The following GLRA3 variants were observed in gnomAD, a reference collection of about 807,000 sequenced individuals.
GLRA3 encodes the protein glycine receptor subunit alpha-3.
A neutral mutation model predicts 60.4 loss-of-function variants in GLRA3; 44 were observed. The observed-to-expected ratio is 0.73, with a 90% confidence interval of 0.57 to 0.94. The LOEUF (loss-of-function observed/expected upper bound fraction) is 0.94, where lower values mean the gene tolerates loss of function less well. Ranked by LOEUF, GLRA3 falls within the 40% of genes least tolerant of loss-of-function variation. GLRA3 has a pLI of 0.00. For synonymous variants in GLRA3, 223 were observed against 192.9 expected (o/e 1.16, Z -1.29); for missense variants, 508 against 564.6 (o/e 0.90, Z 1.02).
chr4:174,822,486 A>T (rs1740778218), intron 1 of GLRA3, among the ~76,000 whole-genome samples: 1 of 152,206 alleles, frequency 6.6e-6, no homozygotes, highest in African/African-American at 2.4e-5. Context: ...ATTTTTTACT[A>T]ATTAAAAACA....
chr4:174,822,245 C>A (rs1039660186), intron 1 of GLRA3, among the ~76,000 whole-genome samples: 1 of 152,130 alleles, frequency 6.6e-6, no homozygotes, highest in African/African-American at 2.4e-5. Flanking sequence ...TAGAGATATT[C>A]AGGTAGAATG....
chr4:174,779,648 G>A (rs1027473015), intron 2 of GLRA3, among the ~76,000 whole-genome samples: 20 of 152,092 alleles, frequency 1.3e-4, no homozygotes, highest in African/African-American at 3.9e-4. Flanking sequence ...ACCAAGGCTC[G>A]AGAACTACAT....
At chr4:174,684,710 T>A (rs1425138780) in intron 5 of GLRA3, among the ~76,000 whole-genome samples, 2 of 152,088 alleles carry the variant, frequency 1.3e-5, no homozygotes, top group Non-Finnish European at 2.9e-5. Flanking sequence ...AGTCAAATGG[T>A]CGGTATGTTA....
intron 4 of GLRA3, among the ~76,000 whole-genome samples, chr4:174,721,240 G>C (rs1736119008): frequency 6.6e-6 from 1 of 152,054 alleles, no homozygotes; most frequent in Non-Finnish European, 1.5e-5. Context: ...TGTTGGCTAG[G>C]ATGGTCTCCA....
At chr4:174,740,728 C>T (rs886634078) in intron 3 of GLRA3, among the ~76,000 whole-genome samples, 1 of 152,194 alleles carries the variant, frequency 6.6e-6, no homozygotes, top group Non-Finnish European at 1.5e-5. Flanking sequence ...AGAGCTCTCA[C>T]CCACAGATAT....
chr4:174,719,654 G>A (rs997818847), intron 4 of GLRA3, among the ~76,000 whole-genome samples: 18 of 152,162 alleles, frequency 1.2e-4, no homozygotes, highest in South Asian at 2.1e-4. Flanking sequence ...CTAGAAGGGA[G>A]ATTAGAATGA....
intron 1 of GLRA3, among the ~76,000 whole-genome samples, chr4:174,789,548 T>C (rs1422732632): frequency 6.6e-6 from 1 of 152,176 alleles, no homozygotes; most frequent in Non-Finnish European, 1.5e-5. Context: ...GATTGAGAAA[T>C]TGCCATAAAT....
chr4:174,644,505 C>A (rs570365926), intron 9 of GLRA3, among the ~76,000 whole-genome samples: 1 of 144,284 alleles, frequency 6.9e-6, no homozygotes, highest in South Asian at 2.2e-4. Flanking sequence ...TGGAGACAAA[C>A]CTTTTAAAGT....
intron 3 of GLRA3, among the ~76,000 whole-genome samples, chr4:174,759,387 T>C (rs1737852652): frequency 6.6e-6 from 1 of 152,088 alleles, no homozygotes; most frequent in Non-Finnish European, 1.5e-5. Flanking sequence ...TAATTAAATC[T>C]AAAAGATATG....
chr4:174,664,676 A>G (rs1561040824), intron 7 of GLRA3, among the ~76,000 whole-genome samples: 4 of 152,192 alleles, frequency 2.6e-5, no homozygotes, highest in African/African-American at 9.7e-5. Context: ...ACAGTTAGTG[A>G]ATCTTAAATG....
intron 3 of GLRA3, among the ~76,000 whole-genome samples, chr4:174,750,119 G>A (rs1205071412): frequency 6.6e-6 from 1 of 152,096 alleles, no homozygotes. Flanking sequence ...CCAAGGAAGA[G>A]AAGTTTTGTA....
intron 5 of GLRA3, among the ~76,000 whole-genome samples, chr4:174,686,721 C>T (rs542788574): frequency 6.6e-6 from 1 of 152,186 alleles, no homozygotes; most frequent in Non-Finnish European, 1.5e-5. Context: ...AAGGCAGGGG[C>T]TTCATATAAA....
chr4:174,820,538 A>G (rs1157305941), intron 1 of GLRA3, among the ~76,000 whole-genome samples: 3 of 152,158 alleles, frequency 2.0e-5, no homozygotes, highest in Non-Finnish European at 4.4e-5. Flanking sequence ...GCGCTGGGAT[A>G]TGTGGCACTG....
chr4:174,729,025 C>CA (rs1736447706), intron 3 of GLRA3, among the ~76,000 whole-genome samples: 1 of 152,176 alleles, frequency 6.6e-6, no homozygotes, highest in Non-Finnish European at 1.5e-5. Flanking sequence ...CGGGTACTCC[C>CA]ATCCCCCAGG....
At chr4:174,646,938 T>C (rs936153073) in intron 9 of GLRA3, among the ~76,000 whole-genome samples, 1 of 152,188 alleles carries the variant, frequency 6.6e-6, no homozygotes, top group Non-Finnish European at 1.5e-5. Context: ...AATCTGATGC[T>C]GATCCAATCC....
At position 174,715,582 on chromosome 4, in the gene GLRA3, A is replaced by C. The variant is rs766365423; in HGVS notation, c.492-12T>G. The stretch of plus-strand genomic sequence containing the variant: ...GTGTTAATGTTAATCTGAAAGTCAA[A>C]GTAATTATTTTTAAAGGAAATTTAT... On this transcript the variant is annotated splice_polypyrimidine_tract_variant and intron_variant, in intron 4 of 9. Transcript: ENST00000274093. 7.8e-7 allele frequency: 1 copy of C among 1,279,530 alleles called. No individual in the cohort carries two copies. The highest frequency in any genetic ancestry group is 1.8e-5 in the Admixed American group (1 of 54,520). 79.3% of individuals were successfully genotyped at this position (1,279,530 alleles called of 1,614,324 possible). A position where few individuals can be genotyped will look rare whatever the true frequency, so the allele number is the denominator to read the frequency against.
intron 2 of GLRA3, among the ~76,000 whole-genome samples, chr4:174,785,698 T>G (rs1240161831): frequency 6.6e-6 from 1 of 152,124 alleles, no homozygotes; most frequent in Non-Finnish European, 1.5e-5. Flanking sequence ...TATGTTTCTG[T>G]GTGTTTAGGA....
intron 4 of GLRA3, among the ~76,000 whole-genome samples, chr4:174,718,904 C>A (rs2111104904): frequency 6.8e-6 from 1 of 147,084 alleles, no homozygotes; most frequent in African/African-American, 2.5e-5. Context: ...CATTACACAG[C>A]AAAAATTGCT....
chr4:174,781,047 T>C (rs531212165), intron 2 of GLRA3, among the ~76,000 whole-genome samples: 1 of 152,272 alleles, frequency 6.6e-6, no homozygotes, highest in African/African-American at 2.4e-5. Context: ...ATTCCAAAAT[T>C]GACCACATAC....
Sources: allele counts gnomAD v4.1 joint callset (sites outside exome capture counted in the v4.1 genomes callset), GRCh38; gene constraint gnomAD v4.1.1; transcripts MANE v1.5; gene names NCBI Gene and HGNC (gene_info 2026-07-23, HGNC 2026-07-21).